FMNL2: variants seen among roughly 807,000 people sequenced by gnomAD.
FMNL2 encodes formin like 2, also known as formin-like protein 2.
In FMNL2, 51 loss-of-function variants were observed where a neutral mutation model predicts 130.2. That is an observed-to-expected ratio of 0.39 (90% CI 0.31 to 0.49). The LOEUF (loss-of-function observed/expected upper bound fraction) is 0.49, where lower values mean the gene tolerates loss of function less well. Ranked by LOEUF, FMNL2 falls within the 20% of genes least tolerant of loss-of-function variation. FMNL2 has a pLI of 0.85. For missense variants in FMNL2, 977 were observed against 1,316.2 expected (o/e 0.74, Z 3.99); for synonymous variants, 465 against 467.1 (o/e 1.00, Z 0.06).
intron 1 of FMNL2, among the ~76,000 whole-genome samples, chr2:152,368,606 G>C (rs1683700684): frequency 6.6e-6 from 1 of 151,714 alleles, no homozygotes; most frequent in Non-Finnish European, 1.5e-5. Flanking sequence ...TGGTACTTCA[G>C]GCTAATTTTA....
chr2:152,493,692 G>A (rs2105294469), intron 1 of FMNL2, among the ~76,000 whole-genome samples: 1 of 152,328 alleles, frequency 6.6e-6, no homozygotes, highest in East Asian at 1.9e-4. Flanking sequence ...TCTGCACACA[G>A]CAGTTCCTCT....
chr2:152,476,026 G>C (rs559236633), intron 1 of FMNL2, among the ~76,000 whole-genome samples: 2 of 152,340 alleles, frequency 1.3e-5, no homozygotes, highest in Admixed American at 1.3e-4. Context: ...AGGTATCCCT[G>C]AGTAGGGTGG....
intron 2 of FMNL2, among the ~76,000 whole-genome samples, chr2:152,529,884 G>A (rs190120211): frequency 5.7e-4 from 87 of 152,236 alleles, no homozygotes; most frequent in Non-Finnish European, 9.3e-4. Flanking sequence ...TTTGGTATTC[G>A]TTGCCAGAGC....
chr2:152,578,430 G>A (rs934562518), intron 7 of FMNL2, among the ~76,000 whole-genome samples: 8 of 152,152 alleles, frequency 5.3e-5, no homozygotes, highest in African/African-American at 9.7e-5. Context: ...ATTGAGATTC[G>A]GAGTAAATGT....
intron 1 of FMNL2, among the ~76,000 whole-genome samples, chr2:152,383,279 T>TTTTTTC (rs1416848838): frequency 6.7e-6 from 1 of 149,988 alleles, no homozygotes; most frequent in East Asian, 1.9e-4. Context: ...AATCCTTTTT[T>TTTTTTC]TTTTTTTTTT....
In FMNL2 at chr2:152,629,742, T is replaced by C. The variant is rs2105929248; in HGVS notation, c.2469+18T>C. The C allele has an allele frequency of 1.2e-6, 2 of 1,601,110 alleles. No individual in the cohort carries two copies. Among genetic ancestry groups the C allele is most frequent in the Non-Finnish European group, 1.7e-6 (2 of 1,173,096 alleles). On this transcript the variant is annotated intron_variant, in intron 19 of 25. Transcript: ENST00000288670. The stretch of plus-strand genomic sequence containing the variant: ...TTCTGGAGGCAAGTGCAGTTTTTCT[T>C]GTAGGTATGAAGGACTACTTCAGCT...
chr2:152,579,424 G>A (rs1421098688), intron 8 of FMNL2, among the ~76,000 whole-genome samples: 2 of 152,188 alleles, frequency 1.3e-5, no homozygotes, highest in African/African-American at 2.4e-5. Flanking sequence ...GTGGCCAGCC[G>A]CAGTGGCTCA....
Position 152,648,974 on chromosome 2 carries a change from A to G in FMNL2, c.*1069A>G, listed in dbSNP as rs1683850816. 6.6e-6 allele frequency: 1 copy of G among 152,612 alleles called. No homozygotes were observed. The highest frequency in any genetic ancestry group is 1.5e-5 in the Non-Finnish European group (1 of 68,028). 9.5% of individuals were successfully genotyped at this position (152,612 alleles called of 1,614,324 possible). On this transcript the variant is annotated 3_prime_UTR_variant, in exon 26 of 26. Transcript: ENST00000288670. ...ATGGGACTAGATGGCCCACTAAGCCACTGTTATTTTCCTTCCTCTCTGGCA... is the reference window on the plus strand; with the variant it reads ...ATGGGACTAGATGGCCCACTAAGCCGCTGTTATTTTCCTTCCTCTCTGGCA...
At chr2:152,567,508 A>G (rs1230283611) in intron 6 of FMNL2, among the ~76,000 whole-genome samples, 1 of 152,042 alleles carries the variant, frequency 6.6e-6, no homozygotes, top group African/African-American at 2.4e-5. Flanking sequence ...TTTCAGCTCT[A>G]TTTCTTTTGG....
At chr2:152,491,285 C>T (rs1334020068) in intron 1 of FMNL2, among the ~76,000 whole-genome samples, 1 of 152,178 alleles carries the variant, frequency 6.6e-6, no homozygotes, top group African/African-American at 2.4e-5. Flanking sequence ...GGAGTGAGGT[C>T]TTGCTACACA....
chr2:152,393,201 G>A (rs1481445378), intron 1 of FMNL2, among the ~76,000 whole-genome samples: 1 of 151,888 alleles, frequency 6.6e-6, no homozygotes, highest in African/African-American at 2.4e-5. Flanking sequence ...AAGACACTGT[G>A]GTATCAACAC....
intron 1 of FMNL2, among the ~76,000 whole-genome samples, chr2:152,511,641 C>G (rs74729315): frequency 2.3e-3 from 351 of 152,258 alleles, no homozygotes; most frequent in African/African-American, 8.0e-3. Flanking sequence ...GAGGCTGTAA[C>G]CTGGGCCAAG....
chr2:152,345,483 A>T (rs1682064760), intron 1 of FMNL2, among the ~76,000 whole-genome samples: 2 of 152,204 alleles, frequency 1.3e-5, no homozygotes, highest in East Asian at 1.9e-4. Context: ...CAGTACTGCT[A>T]AATGTCTTAT....
chr2:152,393,913 T>C (rs1579560200), intron 1 of FMNL2, among the ~76,000 whole-genome samples: 1 of 152,204 alleles, frequency 6.6e-6, no homozygotes, highest in Non-Finnish European at 1.5e-5. Flanking sequence ...TATATAGTTT[T>C]TTATATGCCC....
chr2:152,344,288 A>G (rs981416445), intron 1 of FMNL2, among the ~76,000 whole-genome samples: 1 of 152,210 alleles, frequency 6.6e-6, no homozygotes, highest in Non-Finnish European at 1.5e-5. Flanking sequence ...TGTGCAGCCA[A>G]GGTTGACAGC....
intron 15 of FMNL2, among the ~76,000 whole-genome samples, chr2:152,620,466 G>A (rs533081768): frequency 3.0e-4 from 45 of 152,128 alleles, no homozygotes; most frequent in African/African-American, 9.4e-4. Context: ...ATGACGCTAC[G>A]AGCCGTTTTC....
intron 1 of FMNL2, among the ~76,000 whole-genome samples, chr2:152,336,520 C>A (rs1177683503): frequency 3.3e-5 from 5 of 152,224 alleles, no homozygotes; most frequent in African/African-American, 1.2e-4. Context: ...CATTCCGCTT[C>A]TCCCAGCTTT....
At chr2:152,356,338 G>T (rs934555815) in intron 1 of FMNL2, among the ~76,000 whole-genome samples, 6 of 152,140 alleles carry the variant, frequency 3.9e-5, no homozygotes, top group African/African-American at 1.4e-4. Flanking sequence ...TGGTGAGGCT[G>T]GTCTCGAACT....
intron 1 of FMNL2, among the ~76,000 whole-genome samples, chr2:152,371,658 G>A: frequency 7.9e-6 from 1 of 126,794 alleles, no homozygotes; most frequent in East Asian, 2.8e-4. Context: ...GACAGAGTGA[G>A]ACTCTGTCTC....
Sources: gnomAD v4.1 joint callset for allele counts (sites outside exome capture counted in the v4.1 genomes callset) on GRCh38, gnomAD v4.1.1 for gene constraint, MANE v1.5 for transcripts, NCBI Gene and HGNC (gene_info 2026-07-23, HGNC 2026-07-21) for gene names.